Variants in KIF1C observed in about 807,000 individuals in gnomAD.
The protein encoded by KIF1C is kinesin family member 1C.
In KIF1C, 61 loss-of-function variants were observed where a neutral mutation model predicts 126.5. The ratio of observed to expected loss-of-function variants is 0.48; its 90% CI spans 0.39 to 0.60. The LOEUF (loss-of-function observed/expected upper bound fraction) is 0.60, where lower values mean the gene tolerates loss of function less well. Ranked by LOEUF, KIF1C falls within the 20% of genes least tolerant of loss-of-function variation. KIF1C has a pLI of 0.00. For missense variants in KIF1C, 1,315 were observed against 1,489.2 expected (o/e 0.88, Z 1.93); for synonymous variants, 640 against 580.6 (o/e 1.10, Z -1.47).
In KIF1C at chr17:5,027,391, A is replaced by T. The variant is rs1975227201; in HGVS notation, c.*3240A>T. 1 of 152,194 alleles carries T rather than the reference A, an allele frequency of 6.6e-6. No individual in the cohort carries two copies. Among genetic ancestry groups the T allele is most frequent in the Non-Finnish European group, 1.5e-5 (1 of 68,056 alleles). The allele number at this position is 152,194 out of a possible 1,614,324, so 9.4% of individuals were successfully genotyped here. On this transcript the variant is annotated 3_prime_UTR_variant, in exon 23 of 23. Transcript: ENST00000320785. ...GTGATCCACCCGCCTCTGCCTCCCA[A>T]AATGTTGGGATTACAGGCGTGAGCC...
At chr17:5,000,911 G>T in intron 4 of KIF1C, 63 bp downstream of exon 4, 1 of 1,496,224 alleles carries the variant, frequency 6.7e-7, no homozygotes, top group South Asian at 1.1e-5. Context: ...GTCCTGGGGA[G>T]GGGACATGTT....
intron 18 of KIF1C, among the ~76,000 whole-genome samples, chr17:5,015,468 A>G (rs1277320797): frequency 1.3e-5 from 2 of 150,102 alleles, no homozygotes; most frequent in Admixed American, 6.6e-5. Context: ...TTTTTAGTAG[A>G]GACGGGGTTT....
intron 16 of KIF1C, among the ~76,000 whole-genome samples, chr17:5,008,702 G>A (rs1048004155): frequency 1.3e-5 from 2 of 152,246 alleles, no homozygotes; most frequent in South Asian, 2.1e-4. Context: ...AGCTGTGGGC[G>A]GTAGGCCAGG....
chr17:5,025,836 C>CT lies in KIF1C; in HGVS notation c.*1686dup, dbSNP rs1975200115. On this transcript the variant is annotated 3_prime_UTR_variant, in exon 23 of 23. Coordinates refer to ENST00000320785, the MANE Select transcript of KIF1C (RefSeq NM_006612.6). Reference sequence around the variant, plus strand: ...CTCCATTTCAAGAAAAATTAAAAAACTGTTTGTTGCCTGCTTGTTTTAATG... The same window carrying CT: ...CTCCATTTCAAGAAAAATTAAAAAACTTGTTTGTTGCCTGCTTGTTTTAATG... 1 of 152,138 alleles carries CT rather than the reference C, an allele frequency of 6.6e-6. No individual in the cohort carries two copies. Among genetic ancestry groups the CT allele is most frequent in the Admixed American group, 6.6e-5 (1 of 15,252 alleles). 9.4% of individuals were successfully genotyped at this position (152,138 alleles called of 1,614,324 possible).
intron 11 of KIF1C, 85 bp downstream of exon 11, chr17:5,004,158 C>G: frequency 1.0e-6 from 1 of 994,602 alleles, no homozygotes; most frequent in Non-Finnish European, 1.6e-6. Flanking sequence ...CTTGCTATGC[C>G]GAGAATCCCA....
chr17:5,000,667 G>C lies in KIF1C; in HGVS notation c.107-105G>C. ...AAGGGGAGAGAAGAGTCAGGACAGT[G>C]GTGAGGAGTGGGATGCTTGGATTCC... On this transcript the variant is annotated intron_variant, in intron 3 of 22. Transcript: ENST00000320785. The C allele has an allele frequency of 4.0e-6, 4 of 998,618 alleles. No individual in the cohort carries two copies. The Admixed American group carries it at 7.0e-5, about 18-fold the overall frequency. The allele number at this position is 998,618 out of a possible 1,614,324, so 61.9% of individuals were successfully genotyped here.
chr17:5,000,141 GT>G, intron 2 of KIF1C, 78 bp from the exon 3 acceptor site: 1 of 773,174 alleles, frequency 1.3e-6, no homozygotes, highest in East Asian at 2.7e-5. Context: ...GAAGAGACTG[GT>G]TCCGGGAAGA....
At chr17:5,001,195 T>C in intron 4 of KIF1C, 27 bp from the exon 5 acceptor site, 1 of 1,611,424 alleles carries the variant, frequency 6.2e-7, no homozygotes, top group Non-Finnish European at 8.5e-7. Flanking sequence ...GGTTACTCTG[T>C]TTTTCTCTGC....
rs34061009 is a variant in KIF1C at position 5,026,740 on chromosome 17, CAAAAAAAAA to C, written c.*2602_*2610del. On this transcript the variant is annotated 3_prime_UTR_variant, in exon 23 of 23. Coordinates refer to ENST00000320785, the MANE Select transcript of KIF1C (RefSeq NM_006612.6). The stretch of plus-strand genomic sequence containing the variant: ...GGCCTGGGCAAGAGTGGGACTCTCT[CAAAAAAAAA>C]AAAAAAAAAAAATCCACATATCCAG... The C allele has an allele frequency of 2.0e-5, 2 of 99,022 alleles. No individual in the cohort carries two copies. Among genetic ancestry groups the C allele is most frequent in the Admixed American group, 1.2e-4 (1 of 8,004 alleles). The allele number at this position is 99,022 out of a possible 1,614,324, so 6.1% of individuals were successfully genotyped here.
chr17:5,024,038 C>T lies in KIF1C; in HGVS notation c.3199C>T (p.Pro1067Ser), dbSNP rs1474155917. ...CAACTCTTATCCCCAGCCACCCCAA[C>T]CCTACCCAGCCCAGCGGCCCCCAGG... is the stretch of plus-strand genomic sequence containing the variant. ...KHNSYPQPPQ[P>S]YPAQRPPGPR... Residue 1067 changes from proline to serine, a missense_variant, in exon 23 of 23, where the codon CCC becomes TCC. By Grantham distance (74) the Pro-to-Ser change is moderately conservative. Coordinates refer to ENST00000320785, the MANE Select transcript of KIF1C (RefSeq NM_006612.6). The T allele has an allele frequency of 6.3e-7, 1 of 1,589,418 alleles. No individual in the cohort carries two copies. Among genetic ancestry groups the T allele is most frequent in the East Asian group, 2.3e-5 (1 of 43,600 alleles).
chr17:5,004,497 C>G lies in KIF1C; in HGVS notation c.941-70C>G, dbSNP rs78316009. On this transcript the variant is annotated intron_variant, in intron 11 of 22. Transcript: ENST00000320785. ...CCTCTGCCTGGGCAGTGGGCCCCAG[C>G]CCTGTGACCCGGTCTGACTTTGCTT... 4.5e-4 allele frequency: 646 copies of G among 1,428,760 alleles called. 3 individuals carry two copies. In the African/African-American group the frequency reaches 7.1e-3, roughly 16 times the overall value. The allele number at this position is 1,428,760 out of a possible 1,614,324, so 88.5% of individuals were successfully genotyped here. A position where few individuals can be genotyped will look rare whatever the true frequency, so the allele number is the denominator to read the frequency against.
chr17:5,011,435 C>A (rs1356236756), intron 16 of KIF1C: 1 of 152,194 alleles, frequency 6.6e-6, no homozygotes, highest in African/African-American at 2.4e-5. Flanking sequence ...CAGCCTGGGC[C>A]TGAGCAGCTT....
At position 5,004,871 on chromosome 17, in the gene KIF1C, A is replaced by T; in HGVS notation, c.1036A>T (p.Lys346Ter). The T allele has an allele frequency of 6.2e-7, 1 of 1,614,222 alleles. No homozygotes were observed. The highest frequency in any genetic ancestry group is 8.5e-7 in the Non-Finnish European group (1 of 1,180,040). The change falls in exon 13 of 23, where the codon AAG becomes TAG. Residue 346 changes from lysine to a stop codon, truncating the protein, a stop_gained. Transcript: ENST00000320785. LOFTEE classifies it high-confidence loss of function. ...GTCACCCAGGTATGCTGACCGCACC[A>T]AGCAAATCCGCTGCAATGCCATCAT... is the stretch of plus-strand genomic sequence containing the variant. ...LSTLRYADRTKQIRCNAIINE... is the reference protein window; with the variant it reads ...LSTLRYADRT
chr17:5,003,791 C>T (rs1412472246), intron 9 of KIF1C, 60 bp from the exon 10 acceptor site: 5 of 1,567,800 alleles, frequency 3.2e-6, no homozygotes, highest in Middle Eastern at 1.7e-4. Context: ...AGGTAGGAAG[C>T]GGAAGTGGAT....
Position 5,003,647 on chromosome 17 carries a change from TGAGCGA to T in KIF1C, c.758_763del (p.Glu253_Arg254del). The T allele has an allele frequency of 6.2e-7, 1 of 1,613,412 alleles. No homozygotes were observed. ...TCAGTTTGGTGGACCTTGCTGGGAG[TGAGCGA>T]GCCGACTCCTCAGGGGCCCGGGGCA... On this transcript the variant is annotated inframe_deletion, in exon 9 of 23. Coordinates refer to ENST00000320785, the MANE Select transcript of KIF1C (RefSeq NM_006612.6).
chr17:5,001,969 G>T (rs898317590), intron 5 of KIF1C, 90 bp from the exon 6 acceptor site: 1 of 1,168,996 alleles, frequency 8.6e-7, no homozygotes, highest in Non-Finnish European at 1.3e-6. Context: ...GTTAAATGGG[G>T]TCACTTGGGA....
At chr17:5,007,667 A>G (rs1974766914) in intron 16 of KIF1C, 125 bp downstream of exon 16, 3 of 673,070 alleles carry the variant, frequency 4.5e-6, no homozygotes, top group Non-Finnish European at 7.2e-6. Flanking sequence ...TTGTCCCTCC[A>G]TCATTTCTGT....
rs1975077831 is a variant in KIF1C at position 5,020,978 on chromosome 17, C to G, written c.2010+100C>G. ...CCGCTGAGCCAGAGTGGGAAATGGG[C>G]ATGGGGGTAAGGGGAAGGGTCCAAG... On this transcript the variant is annotated intron_variant, in intron 21 of 22. Coordinates refer to ENST00000320785, the MANE Select transcript of KIF1C (RefSeq NM_006612.6). This position sits in a 1 kb window ranked among gnomAD's most constrained non-coding sequence, Gnocchi z 5.8. 1.1e-5 allele frequency: 12 copies of G among 1,049,212 alleles called. No individual in the cohort carries two copies. Among genetic ancestry groups the G allele is most frequent in the Non-Finnish European group, 2.9e-6 (2 of 696,548 alleles). 65.0% of individuals were successfully genotyped at this position (1,049,212 alleles called of 1,614,324 possible). A position where few individuals can be genotyped will look rare whatever the true frequency, so the allele number is the denominator to read the frequency against.
chr17:5,002,308 T>C (rs1425857990), intron 6 of KIF1C, among the ~76,000 whole-genome samples, 156 bp from the exon 7 acceptor site: 1 of 152,202 alleles, frequency 6.6e-6, no homozygotes, highest in East Asian at 1.9e-4. Flanking sequence ...ACACACCTCC[T>C]GGCTTGTTGG....
Sources: allele counts gnomAD v4.1 joint callset (sites outside exome capture counted in the v4.1 genomes callset), GRCh38; gene constraint gnomAD v4.1.1; non-coding constraint Gnocchi (gnomAD v3.1); transcripts MANE v1.5; gene names NCBI Gene and HGNC (gene_info 2026-07-23, HGNC 2026-07-21).